The following CHRM5 variants were observed in gnomAD, a reference collection of about 807,000 sequenced individuals.
CHRM5 encodes the protein cholinergic receptor muscarinic 5.
CHRM5 carries 18 observed loss-of-function variants against 39.0 expected under a neutral mutation model. The ratio of observed to expected loss-of-function variants is 0.46; its 90% CI spans 0.32 to 0.68. The LOEUF is 0.68. Ranked by LOEUF, CHRM5 falls within the 30% of genes least tolerant of loss-of-function variation. The pLI is 0.04. For synonymous variants in CHRM5, 241 were observed against 246.3 expected, an observed-to-expected ratio of 0.98 and a Z score of 0.20; for missense variants, 515 against 651.1, an observed-to-expected ratio of 0.79 and a Z score of 2.28.
At chr15:34,049,921 T>G (rs1380700124) in intron 2 of CHRM5, among the ~76,000 whole-genome samples, 1 of 144,294 alleles carries the variant, frequency 6.9e-6, no homozygotes, top group Non-Finnish European at 1.5e-5. Flanking sequence ...AGGATCTCAC[T>G]CCATCACCTA....
At chr15:33,997,432 T>C (rs1485153138) in intron 1 of CHRM5, among the ~76,000 whole-genome samples, 1 of 152,074 alleles carries the variant, frequency 6.6e-6, no homozygotes, top group Non-Finnish European at 1.5e-5. Context: ...ACTAAGGAAA[T>C]GTAAACTAAA....
chr15:34,064,129 G>A lies in CHRM5; in HGVS notation c.1412G>A (p.Cys471Tyr). ...MVLVSTFCDK[C>Y]VPVTLWHLGY... ...CTGGTTTCTACCTTCTGTGACAAGT[G>A]TGTCCCAGTCACCCTGTGGCACTTG... The change falls in exon 3 of 3, where the codon TGT becomes TAT. Residue 471 changes from cysteine to tyrosine, a missense_variant. By Grantham distance (194) the Cys-to-Tyr change is radical. Coordinates refer to ENST00000383263, the MANE Select transcript of CHRM5 (RefSeq NM_012125.4). 1 of 1,614,172 alleles carries A rather than the reference G, an allele frequency of 6.2e-7. No individual in the cohort carries two copies. The highest frequency in any genetic ancestry group is 8.5e-7 in the Non-Finnish European group (1 of 1,180,034).
intron 2 of CHRM5, among the ~76,000 whole-genome samples, chr15:34,058,975 C>A (rs886065368): frequency 2.0e-5 from 3 of 152,202 alleles, no homozygotes; most frequent in African/African-American, 4.8e-5. Context: ...TGGCTCACTG[C>A]AACCTCCACC....
intron 1 of CHRM5, among the ~76,000 whole-genome samples, chr15:34,002,702 GA>G (rs1897182423): frequency 6.6e-6 from 1 of 152,096 alleles, no homozygotes; most frequent in Non-Finnish European, 1.5e-5. Context: ...CAAATATAAG[GA>G]ATGTTTCCTC....
intron 1 of CHRM5, among the ~76,000 whole-genome samples, chr15:33,994,147 G>A (rs1001798064): frequency 6.6e-6 from 1 of 152,346 alleles, no homozygotes. Flanking sequence ...TGGTGGGCAA[G>A]TGAGCAGATT....
chr15:33,983,166 GTGTGTATA>G (rs1197371136), intron 1 of CHRM5, among the ~76,000 whole-genome samples: 4 of 117,588 alleles, frequency 3.4e-5, no homozygotes. Context: ...GTGTATGTGT[GTGTGTATA>G]TATACACACG....
At chr15:33,978,204 C>T (rs1490609036) in intron 1 of CHRM5, among the ~76,000 whole-genome samples, 1 of 152,090 alleles carries the variant, frequency 6.6e-6, no homozygotes, top group African/African-American at 2.4e-5. Context: ...GCAGACTGGC[C>T]GTTCTGAACA....
At chr15:34,038,805 CCTCCCGG>C (rs1370625277) in intron 1 of CHRM5, 2 of 1,193,060 alleles carry the variant, frequency 1.7e-6, no homozygotes, top group Non-Finnish European at 1.0e-6. Flanking sequence ...TGCGCCCCAG[CCTCCCGG>C]CTCCCGGCGG....
At chr15:33,990,441 T>G (rs920481667) in intron 1 of CHRM5, among the ~76,000 whole-genome samples, 2 of 152,062 alleles carry the variant, frequency 1.3e-5, no homozygotes, top group African/African-American at 2.4e-5. Flanking sequence ...CAGCCAGTTG[T>G]CTAACTGAAG....
chr15:34,048,321 G>A (rs1184529731), intron 2 of CHRM5, among the ~76,000 whole-genome samples: 5 of 152,004 alleles, frequency 3.3e-5, no homozygotes, highest in South Asian at 4.1e-4. Flanking sequence ...AGGGGCAGCC[G>A]CCATCTGTGT....
At chr15:34,030,344 T>G (rs921654163) in intron 1 of CHRM5, among the ~76,000 whole-genome samples, 1 of 151,496 alleles carries the variant, frequency 6.6e-6, no homozygotes, top group Non-Finnish European at 1.5e-5. Context: ...TTTTGGGGGG[T>G]TTTTTGTTTT....
intron 1 of CHRM5, among the ~76,000 whole-genome samples, chr15:33,985,410 TGC>T (rs1896387443): frequency 6.7e-6 from 1 of 149,990 alleles, no homozygotes; most frequent in African/African-American, 2.4e-5. Flanking sequence ...CTGAGCTGAG[TGC>T]ATGCCCTCAG....
chr15:34,001,084 G>A (rs922739239), intron 1 of CHRM5, among the ~76,000 whole-genome samples: 8 of 147,244 alleles, frequency 5.4e-5, no homozygotes, highest in Non-Finnish European at 1.0e-4. Context: ...GCAGTGGTAC[G>A]ATCTCAGCTC....
At chr15:34,026,621 C>T (rs1898483882) in intron 1 of CHRM5, among the ~76,000 whole-genome samples, 2 of 151,372 alleles carry the variant, frequency 1.3e-5, no homozygotes, top group African/African-American at 4.9e-5. Flanking sequence ...GAAAACAGGC[C>T]CATGAAAAGA....
chr15:34,062,146 C>A (rs1221936290), intron 2 of CHRM5, among the ~76,000 whole-genome samples: 1 of 152,134 alleles, frequency 6.6e-6, no homozygotes, highest in East Asian at 1.9e-4. Flanking sequence ...GGGCACTCAG[C>A]CATAGGTAAC....
intron 1 of CHRM5, among the ~76,000 whole-genome samples, chr15:33,987,036 A>G (rs916003007): frequency 2.0e-5 from 3 of 152,338 alleles, no homozygotes; most frequent in African/African-American, 7.2e-5. Flanking sequence ...CAGGTTATGA[A>G]AAGCAGTATG....
chr15:34,011,127 G>C (rs925890319), intron 1 of CHRM5, among the ~76,000 whole-genome samples: 4 of 152,044 alleles, frequency 2.6e-5, no homozygotes. Context: ...AAGAGCTCAA[G>C]GCTGCAGTAA....
chr15:33,979,551 T>C (rs1276306017), intron 1 of CHRM5, among the ~76,000 whole-genome samples: 1 of 152,184 alleles, frequency 6.6e-6, no homozygotes, highest in East Asian at 1.9e-4. Context: ...ATCTGAGCAA[T>C]TCATCTCCCA....
rs898192278 is a variant in CHRM5 at position 34,040,779 on chromosome 15, A to G, written c.-407-5761A>G. ...CCATTTCTACAAAAATTAGCTGGGC[A>G]TGGTGGTATATGCCTATAGTCCCAC... On this transcript the variant is annotated intron_variant, in intron 1 of 2. Coordinates refer to ENST00000383263, the MANE Select transcript of CHRM5 (RefSeq NM_012125.4). Among the ~76,000 whole-genome samples the G allele has an allele frequency of 4.6e-5, 7 of 152,142 alleles. No homozygotes were observed. The South Asian group carries it at 8.3e-4, about 18-fold the overall frequency.
Sources: allele counts gnomAD v4.1 joint callset (sites outside exome capture counted in the v4.1 genomes callset), GRCh38; gene constraint gnomAD v4.1.1; transcripts MANE v1.5; gene names NCBI Gene and HGNC (gene_info 2026-07-23, HGNC 2026-07-21).